Variants in ST6GALNAC5 observed in about 807,000 individuals in gnomAD.
ST6GALNAC5 encodes alpha-N-acetylgalactosaminide alpha-2,6-sialyltransferase 5.
In ST6GALNAC5, 27 loss-of-function variants were observed where a neutral mutation model predicts 33.6. The observed-to-expected ratio is 0.80, with a 90% CI of 0.59 to 1.11. ST6GALNAC5 has a LOEUF of 1.11. ST6GALNAC5 is among the 50% of genes least tolerant of loss of function. ST6GALNAC5 has a pLI of 0.00. For missense variants in ST6GALNAC5, 428 were observed against 454.0 expected, an observed-to-expected ratio of 0.94 and a Z score of 0.52; for synonymous variants, 194 against 171.2, an observed-to-expected ratio of 1.13 and a Z score of -1.04.
intron 2 of ST6GALNAC5, among the ~76,000 whole-genome samples, chr1:77,000,796 A>G (rs1220534914): frequency 6.6e-6 from 1 of 151,918 alleles, no homozygotes; most frequent in Non-Finnish European, 1.5e-5. Flanking sequence ...AAGATCAGAT[A>G]GTTGTAGATA....
intron 4 of ST6GALNAC5, among the ~76,000 whole-genome samples, chr1:77,060,380 G>A (rs865970058): frequency 7.6e-4 from 115 of 152,184 alleles, no homozygotes; most frequent in African/African-American, 2.7e-3. Context: ...AAAAAACTAG[G>A]GCAGTCTTTA....
intron 2 of ST6GALNAC5, among the ~76,000 whole-genome samples, chr1:76,938,683 G>A (rs1047827621): frequency 6.6e-6 from 1 of 152,076 alleles, no homozygotes. Context: ...TACTGTAGTA[G>A]TTTCTACCAG....
At chr1:77,053,404 G>A (rs73005327) in intron 4 of ST6GALNAC5, among the ~76,000 whole-genome samples, 1,726 of 152,262 alleles carry the variant, frequency 0.011, 28 homozygotes, top group African/African-American at 0.036. Flanking sequence ...CTAGAACACA[G>A]GACAGTAGAT....
At chr1:77,053,011 A>C (rs919359377) in intron 4 of ST6GALNAC5, among the ~76,000 whole-genome samples, 1 of 151,952 alleles carries the variant, frequency 6.6e-6, no homozygotes, top group Non-Finnish European at 1.5e-5. Flanking sequence ...TACCCATGCC[A>C]AAATATAAAG....
chr1:77,063,318 C>A lies in ST6GALNAC5; in HGVS notation c.*112C>A. 1 of 912,706 alleles carries A rather than the reference C, an allele frequency of 1.1e-6. No homozygotes were observed. 56.5% of individuals were successfully genotyped at this position (912,706 alleles called of 1,614,324 possible). A position where few individuals can be genotyped will look rare whatever the true frequency, so the allele number is the denominator to read the frequency against. ...GGTAGCAGAAAACAGCTTCACTCCT[C>A]AGGAAGTACCATGGACAGACGCCTA... is the stretch of plus-strand genomic sequence containing the variant. On this transcript the variant is annotated 3_prime_UTR_variant, in exon 5 of 5. Coordinates refer to ENST00000477717, the MANE Select transcript of ST6GALNAC5 (RefSeq NM_030965.3).
intron 2 of ST6GALNAC5, among the ~76,000 whole-genome samples, chr1:76,998,987 G>A (rs1933398): frequency 6.6e-6 from 1 of 151,916 alleles, no homozygotes; most frequent in African/African-American, 2.4e-5. Flanking sequence ...ACTAAGATCT[G>A]GTGACTATGA....
chr1:76,922,798 T>A (rs538248593), intron 2 of ST6GALNAC5, among the ~76,000 whole-genome samples: 84 of 151,946 alleles, frequency 5.5e-4, no homozygotes, highest in Non-Finnish European at 1.1e-3. Flanking sequence ...GAGCTGGGTA[T>A]GGTGACACGC....
At chr1:76,986,000 A>G (rs528829492) in intron 2 of ST6GALNAC5, among the ~76,000 whole-genome samples, 1 of 152,368 alleles carries the variant, frequency 6.6e-6, no homozygotes, top group African/African-American at 2.4e-5. Context: ...TTATACAAAA[A>G]TTAATTCAAG....
intron 2 of ST6GALNAC5, among the ~76,000 whole-genome samples, chr1:76,893,393 C>T (rs922926639): frequency 6.6e-6 from 1 of 152,144 alleles, no homozygotes; most frequent in Admixed American, 6.5e-5. Context: ...GGGTATAAAA[C>T]TTAAGTGTCT....
chr1:77,048,753 G>T (rs902632251), intron 3 of ST6GALNAC5, among the ~76,000 whole-genome samples: 8 of 152,184 alleles, frequency 5.3e-5, no homozygotes, highest in African/African-American at 1.9e-4. Context: ...AAAAGAGGAG[G>T]AAGAGATGTC....
intron 2 of ST6GALNAC5, among the ~76,000 whole-genome samples, chr1:77,025,861 A>T (rs1448007757): frequency 6.6e-6 from 1 of 151,788 alleles, no homozygotes; most frequent in Non-Finnish European, 1.5e-5. Context: ...AGACCCACCC[A>T]CCCTCCACGG....
intron 2 of ST6GALNAC5, among the ~76,000 whole-genome samples, chr1:76,960,178 A>G (rs7555422): frequency 0.011 from 1,716 of 152,264 alleles, 36 homozygotes; most frequent in African/African-American, 0.039. Flanking sequence ...ATTTTCCCTA[A>G]GTGTCAGTCG....
intron 2 of ST6GALNAC5, among the ~76,000 whole-genome samples, chr1:77,039,110 C>T (rs887553532): frequency 1.3e-5 from 2 of 152,168 alleles, no homozygotes; most frequent in Non-Finnish European, 2.9e-5. Flanking sequence ...TCTAGAGACC[C>T]CACCCACCTG....
chr1:76,897,780 G>A (rs1043905592), intron 2 of ST6GALNAC5, among the ~76,000 whole-genome samples: 1 of 152,166 alleles, frequency 6.6e-6, no homozygotes, highest in African/African-American at 2.4e-5. Context: ...AACTAAAAAG[G>A]AGTGCTTAAA....
At chr1:77,041,890 T>C (rs554994195) in intron 2 of ST6GALNAC5, among the ~76,000 whole-genome samples, 3 of 152,280 alleles carry the variant, frequency 2.0e-5, no homozygotes, top group African/African-American at 7.2e-5. Context: ...ACACTACTGA[T>C]TAAAAAATAG....
Position 76,999,055 on chromosome 1 carries a change from G to T in ST6GALNAC5, c.262-45149G>T, listed in dbSNP as rs564704798. 2.4e-4 allele frequency among the ~76,000 whole-genome samples: 37 copies of T among 152,158 alleles called. No homozygotes were observed. In the East Asian group the frequency reaches 4.8e-3, roughly 20 times the overall value. On this transcript the variant is annotated intron_variant, in intron 2 of 4. Transcript: ENST00000477717. ...AGACAGAGAGATTCAATTTATTCTT[G>T]TTCCAATACTGTAGGAAAATAAAAA...
intron 2 of ST6GALNAC5, among the ~76,000 whole-genome samples, chr1:77,002,521 G>T (rs1484757559): frequency 6.7e-6 from 1 of 150,032 alleles, no homozygotes; most frequent in Non-Finnish European, 1.5e-5. Context: ...GTTATTTCTT[G>T]CCTTCTGCTA....
At chr1:77,024,645 C>G (rs1311928090) in intron 2 of ST6GALNAC5, among the ~76,000 whole-genome samples, 1 of 152,156 alleles carries the variant, frequency 6.6e-6, no homozygotes, top group East Asian at 1.9e-4. Flanking sequence ...GGATCTGATT[C>G]TAGGGATTTC....
chr1:76,959,947 C>T (rs146461822), intron 2 of ST6GALNAC5, among the ~76,000 whole-genome samples: 30 of 152,188 alleles, frequency 2.0e-4, no homozygotes, highest in East Asian at 1.2e-3. Context: ...CCTTTGGAGA[C>T]GGATAAGAAA....
Sources: allele counts gnomAD v4.1 joint callset (sites outside exome capture counted in the v4.1 genomes callset), GRCh38; gene constraint gnomAD v4.1.1; transcripts MANE v1.5; gene names NCBI Gene and HGNC (gene_info 2026-07-23, HGNC 2026-07-21).